Variants in CYP7B1 observed in about 807,000 individuals in gnomAD.
CYP7B1 encodes the protein cytochrome P450 7B1.
CYP7B1 carries 29 observed loss-of-function variants against 42.7 expected under a neutral mutation model. That is an observed-to-expected ratio of 0.68 (90% CI 0.51 to 0.93). The LOEUF (loss-of-function observed/expected upper bound fraction) is 0.93. Among genes scored for constraint, CYP7B1 ranks in the 40% least tolerant of loss-of-function variants. CYP7B1 has a pLI of 0.00. For synonymous variants in CYP7B1, 235 were observed against 218.2 expected, an observed-to-expected ratio of 1.08 and a Z score of -0.68; for missense variants, 655 against 600.5, an observed-to-expected ratio of 1.09 and a Z score of -0.95.
At position 64,593,232 on chromosome 8, in the gene CYP7B1, G is replaced by GGGTGT. The variant is rs1285868725; in HGVS notation, c.*3409_*3410insACACC. ...TGGTGGACTAAAGGCTAGGGCCCAG[G>GGGTGT]GTGTGTGTGTGTGTGTGTGTGTGTG... On this transcript the variant is annotated 3_prime_UTR_variant, in exon 6 of 6. Coordinates refer to ENST00000310193, the MANE Select transcript of CYP7B1 (RefSeq NM_004820.5). Among the ~76,000 whole-genome samples the GGGTGT allele has an allele frequency of 8.1e-6, 1 of 123,372 alleles. No individual in the cohort carries two copies. The highest frequency in any genetic ancestry group is 1.8e-5 in the Non-Finnish European group (1 of 55,212). 80.9% of individuals were successfully genotyped at this position (123,372 alleles called of 152,430 possible).
At chr8:64,660,713 A>C (rs575298744) in intron 1 of CYP7B1, among the ~76,000 whole-genome samples, 8 of 152,310 alleles carry the variant, frequency 5.3e-5, no homozygotes, top group African/African-American at 1.9e-4. Flanking sequence ...CATTAGAAGC[A>C]AGCCAATAAG....
intron 2 of CYP7B1, among the ~76,000 whole-genome samples, chr8:64,622,072 T>C (rs1291948145): frequency 6.6e-6 from 1 of 152,266 alleles, no homozygotes; most frequent in Non-Finnish European, 1.5e-5. Context: ...TCAATCATGC[T>C]GATAATTTCC....
intron 5 of CYP7B1, among the ~76,000 whole-genome samples, chr8:64,603,814 TTCAACAATA>T (rs1256049953): frequency 6.6e-6 from 1 of 152,238 alleles, no homozygotes; most frequent in African/African-American, 2.4e-5. Context: ...ATTTTCAAAA[TTCAACAATA>T]TCGTAATCCA....
At chr8:64,711,059 C>T (rs1807072242) in intron 1 of CYP7B1, among the ~76,000 whole-genome samples, 1 of 152,062 alleles carries the variant, frequency 6.6e-6, no homozygotes, top group Admixed American at 6.6e-5. Context: ...TTGCCCATTT[C>T]TGTTCTATAT....
intron 1 of CYP7B1, among the ~76,000 whole-genome samples, chr8:64,719,167 A>G (rs1176156591): frequency 6.6e-6 from 1 of 152,202 alleles, no homozygotes; most frequent in African/African-American, 2.4e-5. Flanking sequence ...ACCAACCTAC[A>G]TTTATGACAA....
intron 2 of CYP7B1, among the ~76,000 whole-genome samples, chr8:64,622,058 G>C (rs979011763): frequency 6.6e-6 from 1 of 152,110 alleles, no homozygotes; most frequent in Non-Finnish European, 1.5e-5. Flanking sequence ...GTCCATGGGA[G>C]AACTCAATCA....
intron 1 of CYP7B1, among the ~76,000 whole-genome samples, chr8:64,797,719 C>T (rs955142148): frequency 1.3e-5 from 2 of 152,096 alleles, no homozygotes; most frequent in African/African-American, 4.8e-5. Flanking sequence ...AAAATGCATC[C>T]GCTTGGTTCT....
At chr8:64,700,074 G>A (rs1370046127) in intron 1 of CYP7B1, among the ~76,000 whole-genome samples, 1 of 152,138 alleles carries the variant, frequency 6.6e-6, no homozygotes, top group East Asian at 1.9e-4. Flanking sequence ...TGTAGAATGT[G>A]CTGTGTGCAT....
chr8:64,618,168 T>C (rs1805474468), intron 2 of CYP7B1, among the ~76,000 whole-genome samples: 1 of 151,534 alleles, frequency 6.6e-6, no homozygotes, highest in Non-Finnish European at 1.5e-5. Flanking sequence ...TTAAATAAAA[T>C]TGCCAGCATC....
chr8:64,675,291 T>A (rs1438602590), intron 1 of CYP7B1, among the ~76,000 whole-genome samples: 1 of 152,034 alleles, frequency 6.6e-6, no homozygotes, highest in Non-Finnish European at 1.5e-5. Context: ...GCACAGTGAT[T>A]GTAACAGTAA....
intron 1 of CYP7B1, among the ~76,000 whole-genome samples, chr8:64,645,260 C>G (rs77302981): frequency 1.3e-5 from 2 of 151,466 alleles, no homozygotes; most frequent in Admixed American, 6.6e-5. Context: ...ATTTATAGTC[C>G]TTTGGGTATA....
chr8:64,713,405 T>G (rs939832025), intron 1 of CYP7B1, among the ~76,000 whole-genome samples: 1 of 151,426 alleles, frequency 6.6e-6, no homozygotes, highest in Admixed American at 6.6e-5. Context: ...AAAAGCAGGC[T>G]CCCAAAATGA....
rs1243801691 is a variant in CYP7B1, at chr8:64,594,685, G to C, written c.*1957C>G. Among the ~76,000 whole-genome samples the C allele has an allele frequency of 1.3e-5, 2 of 152,018 alleles. No individual in the cohort carries two copies. Among genetic ancestry groups the C allele is most frequent in the Non-Finnish European group, 2.9e-5 (2 of 67,988 alleles). ...AACCTAGAGTTAAAACAAAAAGAAG[G>C]AAAAAACAAACTCAGTGGATGAGTT... is the stretch of plus-strand genomic sequence containing the variant. On this transcript the variant is annotated 3_prime_UTR_variant, in exon 6 of 6. Coordinates refer to ENST00000310193, the MANE Select transcript of CYP7B1 (RefSeq NM_004820.5).
chr8:64,601,217 T>C (rs1025109090), intron 5 of CYP7B1, among the ~76,000 whole-genome samples: 1 of 152,210 alleles, frequency 6.6e-6, no homozygotes, highest in African/African-American at 2.4e-5. Context: ...CTATAAGAAG[T>C]AGATAGGGCA....
At chr8:64,636,330 T>A (rs1347841185) in intron 1 of CYP7B1, among the ~76,000 whole-genome samples, 1 of 152,200 alleles carries the variant, frequency 6.6e-6, no homozygotes, top group Non-Finnish European at 1.5e-5. Context: ...CTCCGGTTCC[T>A]CATTTGTAAA....
intron 1 of CYP7B1, among the ~76,000 whole-genome samples, chr8:64,643,130 T>TATATACACATATATATACATATATATAC (rs1805886956): frequency 9.2e-5 from 12 of 131,128 alleles, no homozygotes; most frequent in African/African-American, 2.8e-4. Flanking sequence ...CATATATACA[T>TATATACACATATATATACATATATATAC]ATATATACAT....
intron 1 of CYP7B1, among the ~76,000 whole-genome samples, chr8:64,749,246 G>C (rs1169973755): frequency 6.6e-6 from 1 of 151,594 alleles, no homozygotes; most frequent in African/African-American, 2.4e-5. Context: ...ACACCTGGCT[G>C]ATTTTTGTAT....
intron 1 of CYP7B1, among the ~76,000 whole-genome samples, chr8:64,677,667 G>A (rs1585849357): frequency 7.2e-6 from 1 of 138,254 alleles, no homozygotes; most frequent in Non-Finnish European, 1.5e-5. Flanking sequence ...CAAAGGTAAT[G>A]TGATGGAAGG....
chr8:64,592,956 T>C lies in CYP7B1; in HGVS notation c.*3686A>G, dbSNP rs1805058845. Among the ~76,000 whole-genome samples, 1 of 152,208 alleles carries C rather than the reference T, an allele frequency of 6.6e-6. No individual in the cohort carries two copies. The highest frequency in any genetic ancestry group is 2.4e-5 in the African/African-American group (1 of 41,464). ...CAAGATTCTCAATGTTTTGTTTTGG[T>C]TCTACTATTCATTCCTTTTATGTCA... On this transcript the variant is annotated 3_prime_UTR_variant, in exon 6 of 6. Transcript: ENST00000310193.
Sources: allele counts gnomAD v4.1 joint callset (sites outside exome capture counted in the v4.1 genomes callset), GRCh38; gene constraint gnomAD v4.1.1; transcripts MANE v1.5; gene names NCBI Gene and HGNC (gene_info 2026-07-23, HGNC 2026-07-21).